The following AR variants were observed in gnomAD, a reference collection of about 807,000 sequenced individuals.
AR encodes the protein androgen receptor.
Under a neutral mutation model 53.9 loss-of-function variants are expected in AR, and 8 were observed. That is an observed-to-expected ratio of 0.15 (90% confidence interval 0.09 to 0.27). The LOEUF (loss-of-function observed/expected upper bound fraction) is 0.27, where lower values mean the gene tolerates loss of function less well. Among genes scored for constraint, AR ranks in the 10% least tolerant of loss-of-function variants. The pLI is 1.00. For missense variants in AR, 639 were observed against 742.5 expected, an observed-to-expected ratio of 0.86 and a Z score of 1.62; for synonymous variants, 359 against 316.4, an observed-to-expected ratio of 1.13 and a Z score of -1.43.
At chrX:67,706,910 G>C (rs968803028) in intron 3 of AR, among the ~76,000 whole-genome samples, 10 of 112,054 alleles carry the variant, frequency 8.9e-5, no homozygotes, top group Non-Finnish European at 1.7e-4. Flanking sequence ...TATGTACCCA[G>C]TAGTCATTCA....
chrX:67,703,665 C>G (rs747802812), intron 3 of AR, among the ~76,000 whole-genome samples: 2 of 111,872 alleles, frequency 1.8e-5, no homozygotes, highest in South Asian at 7.5e-4. Flanking sequence ...TTTTATTATA[C>G]TTTAAGTTCT....
intron 1 of AR, among the ~76,000 whole-genome samples, chrX:67,555,660 A>G (rs757838165): frequency 3.0e-4 from 34 of 112,599 alleles, no homozygotes; most frequent in African/African-American, 1.0e-3. Context: ...TGATGATCTT[A>G]TAAGAGCTTT....
intron 2 of AR, among the ~76,000 whole-genome samples, chrX:67,658,302 T>C (rs1926685829): frequency 9.0e-6 from 1 of 111,690 alleles, no homozygotes; most frequent in Non-Finnish European, 1.9e-5. Flanking sequence ...AGAGGTCAAA[T>C]GAAAGCATTG....
In AR at chrX:67,653,470, TAA is replaced by T. The variant is rs754446120; in HGVS notation, c.1768+10064_1768+10065del. ...GTTGATCTGGGTCTTGAGGGATGGA[TAA>T]GAGTTTGCCAGATACAAAAAGGTAG... On this transcript the variant is annotated intron_variant, in intron 2 of 7. Transcript: ENST00000374690. Among the ~76,000 whole-genome samples, 6 of 111,475 alleles carry T rather than the reference TAA, an allele frequency of 5.4e-5. No homozygotes were observed. The East Asian group carries it at 1.7e-3, about 32-fold the overall frequency.
intron 1 of AR, among the ~76,000 whole-genome samples, chrX:67,637,247 T>C (rs1320442715): frequency 9.3e-6 from 1 of 107,931 alleles, no homozygotes. Context: ...TGCATATGTA[T>C]ACATGTGCCA....
rs201577907 is a variant in AR, at chrX:67,686,169, C to A, written c.1885+43C>A. The A allele has an allele frequency of 5.8e-5, 66 of 1,138,209 alleles. 1 individual carries two copies. In the East Asian group the frequency reaches 1.9e-3, roughly 33 times the overall value. 93.8% of individuals were successfully genotyped at this position (1,138,209 alleles called of 1,213,427 possible). ...CTCTTCCTCCTCCTTCCTCTCTCCCCCTTCTCCCTCATTTTCTAGTCTCTC... is the reference window on the plus strand; with the variant it reads ...CTCTTCCTCCTCCTTCCTCTCTCCCACTTCTCCCTCATTTTCTAGTCTCTC... On this transcript the variant is annotated intron_variant, in intron 3 of 7. Transcript: ENST00000374690.
At chrX:67,662,740 T>G (rs1026213327) in intron 2 of AR, among the ~76,000 whole-genome samples, 24 of 111,142 alleles carry the variant, frequency 2.2e-4, no homozygotes, top group Non-Finnish European at 3.4e-4. Context: ...AGTCTCCCAT[T>G]ATTATTGTGT....
intron 3 of AR, among the ~76,000 whole-genome samples, chrX:67,692,385 T>G (rs1238191595): frequency 8.9e-6 from 1 of 112,722 alleles, no homozygotes; most frequent in Non-Finnish European, 1.9e-5. Flanking sequence ...TCTGCATAAC[T>G]GAGGTGTGCA....
At chrX:67,664,063 G>A (rs143249819) in intron 2 of AR, among the ~76,000 whole-genome samples, 1,153 of 111,114 alleles carry the variant, frequency 0.01, 15 homozygotes, top group African/African-American at 0.036. Flanking sequence ...CCATGCGTTC[G>A]AACTTCCTCC....
chrX:67,723,219 G>A (rs747128816), intron 7 of AR, among the ~76,000 whole-genome samples: 2 of 109,276 alleles, frequency 1.8e-5, no homozygotes, highest in Admixed American at 2.0e-4. Flanking sequence ...ACTCAGGGAA[G>A]GGACTTGCAG....
intron 2 of AR, among the ~76,000 whole-genome samples, chrX:67,660,834 TC>T: frequency 8.9e-6 from 1 of 111,993 alleles, no homozygotes; most frequent in Admixed American, 9.5e-5. Flanking sequence ...TATTGATTCT[TC>T]CTACCCATGA....
intron 2 of AR, among the ~76,000 whole-genome samples, chrX:67,662,240 A>G (rs1344880333): frequency 1.8e-5 from 2 of 110,763 alleles, no homozygotes; most frequent in African/African-American, 6.6e-5. Flanking sequence ...CTAGCTTTTG[A>G]ATGTGTTTGC....
chrX:67,655,528 A>G (rs1039577414), intron 2 of AR, among the ~76,000 whole-genome samples: 1 of 111,538 alleles, frequency 9.0e-6, no homozygotes, highest in Non-Finnish European at 1.9e-5. Context: ...GAAACAAAAA[A>G]AAGGGATATG....
intron 1 of AR, among the ~76,000 whole-genome samples, chrX:67,552,034 C>A (rs774023274): frequency 7.1e-5 from 8 of 111,968 alleles, no homozygotes; most frequent in Non-Finnish European, 1.5e-4. Context: ...TTTATTGAGA[C>A]GTAATTTACA....
At chrX:67,683,890 T>C (rs1166979144) in intron 2 of AR, among the ~76,000 whole-genome samples, 1 of 108,347 alleles carries the variant, frequency 9.2e-6, no homozygotes, top group Non-Finnish European at 1.9e-5. Flanking sequence ...AAAAAAAAAA[T>C]CATGCTTTTC....
Position 67,705,586 on chromosome X carries a change from G to T in AR, c.1886-5816G>T, listed in dbSNP as rs775564351. Among the ~76,000 whole-genome samples the T allele has an allele frequency of 7.5e-3, 836 of 111,126 alleles. 4 individuals carry two copies. The highest frequency in any genetic ancestry group is 0.018 in the African/African-American group (540 of 30,602). On this transcript the variant is annotated intron_variant, in intron 3 of 7. Transcript: ENST00000374690. ...TTTCTAGATATACAATCATGTCATC[G>T]GCAAACAGGGACAATTTGACTTCCT...
chrX:67,670,732 T>A (rs1216697864), intron 2 of AR, among the ~76,000 whole-genome samples: 1 of 110,789 alleles, frequency 9.0e-6, no homozygotes, highest in Non-Finnish European at 1.9e-5. Flanking sequence ...TTTCTCCTAA[T>A]GCTATCTTTC....
chrX:67,699,290 G>C (rs1204133301), intron 3 of AR, among the ~76,000 whole-genome samples: 1 of 111,987 alleles, frequency 8.9e-6, no homozygotes, highest in African/African-American at 3.2e-5. Context: ...GAAGCTCAGG[G>C]TTCTCTTCCA....
At chrX:67,638,585 C>G (rs1925576773) in intron 1 of AR, among the ~76,000 whole-genome samples, 1 of 112,167 alleles carries the variant, frequency 8.9e-6, no homozygotes, top group African/African-American at 3.2e-5. Flanking sequence ...TGATGATGAG[C>G]TTTTTTTCAT....
Sources: allele counts gnomAD v4.1 joint callset (sites outside exome capture counted in the v4.1 genomes callset), GRCh38; gene constraint gnomAD v4.1.1; transcripts MANE v1.5; gene names NCBI Gene and HGNC (gene_info 2026-07-23, HGNC 2026-07-21).